Variants in CBFB observed in about 807,000 individuals in gnomAD.
CBFB encodes core-binding factor subunit beta, also known as CBF-beta.
Under a neutral mutation model 30.4 loss-of-function variants are expected in CBFB, and 9 were observed. That is an observed-to-expected ratio of 0.30 (90% CI 0.18 to 0.52). The LOEUF (loss-of-function observed/expected upper bound fraction) is 0.52, where lower values mean the gene tolerates loss of function less well. Among genes scored for constraint, CBFB ranks in the 20% least tolerant of loss-of-function variants. The pLI, the probability that CBFB is intolerant of heterozygous loss-of-function variation, is 0.97. For missense variants in CBFB, 170 were observed against 244.0 expected, an observed-to-expected ratio of 0.70 and a Z score of 2.02; for synonymous variants, 94 against 84.0, an observed-to-expected ratio of 1.12 and a Z score of -0.65.
At chr16:67,049,783 A>C (rs1014837365) in intron 3 of CBFB, among the ~76,000 whole-genome samples, 1 of 152,152 alleles carries the variant, frequency 6.6e-6, no homozygotes, top group East Asian at 1.9e-4. Context: ...TGAGAACTGC[A>C]AAGCAGTTTT....
chr16:67,036,374 C>T (rs1338307153), intron 2 of CBFB: 5 of 371,608 alleles, frequency 1.3e-5, no homozygotes, highest in East Asian at 1.3e-4. Flanking sequence ...GAGATCCTAA[C>T]GTCAGCAAAA....
rs537440854 is a variant in CBFB, at chr16:67,063,671, G to A, written c.283-3011G>A. Among the ~76,000 whole-genome samples, 6 of 152,250 alleles carry A rather than the reference G, an allele frequency of 3.9e-5. No individual in the cohort carries two copies. In the East Asian group the frequency reaches 1.2e-3, roughly 29 times the overall value. On this transcript the variant is annotated intron_variant, in intron 3 of 5. Coordinates refer to ENST00000412916, the MANE Select transcript of CBFB (RefSeq NM_022845.3). ...TTGTCCCAGCTGATCTTGAACTCAT[G>A]ACCTCCTGCCTTGGCCTCCTAAGGG...
At chr16:67,093,046 C>T (rs1301507588) in intron 5 of CBFB, among the ~76,000 whole-genome samples, 1 of 152,064 alleles carries the variant, frequency 6.6e-6, no homozygotes, top group Non-Finnish European at 1.5e-5. Context: ...ATCCTGGGCT[C>T]AAGCAGTTCT....
intron 3 of CBFB, among the ~76,000 whole-genome samples, chr16:67,046,191 C>T (rs984304639): frequency 2.0e-5 from 3 of 152,076 alleles, no homozygotes; most frequent in African/African-American, 7.2e-5. Flanking sequence ...ACTGCAACCT[C>T]TGCCTCCTGG....
chr16:67,066,926 A>T (rs1339780717), intron 4 of CBFB, 128 bp downstream of exon 4: 1 of 509,270 alleles, frequency 2.0e-6, no homozygotes, highest in Non-Finnish European at 3.6e-6. Flanking sequence ...AATATTGAGG[A>T]ATCCTGAAAA....
chr16:67,032,202 A>G (rs768678747), intron 2 of CBFB, among the ~76,000 whole-genome samples: 5 of 152,170 alleles, frequency 3.3e-5, no homozygotes, highest in Admixed American at 6.5e-5. Context: ...TGAATTAGAC[A>G]TTCTAGACCT....
intron 5 of CBFB, among the ~76,000 whole-genome samples, chr16:67,084,492 C>T (rs776351711): frequency 6.6e-6 from 1 of 151,902 alleles, no homozygotes; most frequent in Non-Finnish European, 1.5e-5. Flanking sequence ...TAGTGGTTGC[C>T]GGGGAAATGG....
intron 4 of CBFB, among the ~76,000 whole-genome samples, chr16:67,072,887 A>G (rs925029185): frequency 1.3e-5 from 2 of 149,984 alleles, no homozygotes; most frequent in Admixed American, 6.7e-5. Flanking sequence ...AATTTTTTTT[A>G]TCTTTTGTAG....
chr16:67,038,897 C>G (rs943057240), intron 3 of CBFB, among the ~76,000 whole-genome samples: 15 of 152,248 alleles, frequency 9.9e-5, no homozygotes, highest in African/African-American at 2.6e-4. Flanking sequence ...GGGTTGTTAA[C>G]TCTACCAGAA....
intron 5 of CBFB, among the ~76,000 whole-genome samples, chr16:67,092,991 G>T (rs1961940403): frequency 6.6e-6 from 1 of 152,106 alleles, no homozygotes; most frequent in African/African-American, 2.4e-5. Context: ...GGGATTACAG[G>T]CATGAGCCAA....
chr16:67,091,229 T>C (rs1770951937), intron 5 of CBFB, among the ~76,000 whole-genome samples: 2 of 152,236 alleles, frequency 1.3e-5, no homozygotes, highest in South Asian at 4.1e-4. Context: ...CAATAGACTT[T>C]ATTAAGATTT....
chr16:67,079,049 C>T (rs776159778), intron 4 of CBFB, among the ~76,000 whole-genome samples: 5 of 152,148 alleles, frequency 3.3e-5, no homozygotes, highest in Non-Finnish European at 7.3e-5. Flanking sequence ...CATTCTTTTG[C>T]GGCTACCTCT....
intron 3 of CBFB, among the ~76,000 whole-genome samples, 180 bp from the exon 4 acceptor site, chr16:67,066,502 G>T (rs1961060869): frequency 6.6e-6 from 1 of 152,112 alleles, no homozygotes; most frequent in Admixed American, 6.6e-5. Flanking sequence ...AGAGGTTGCA[G>T]TGAGCTGAGA....
intron 5 of CBFB, among the ~76,000 whole-genome samples, chr16:67,089,903 T>C (rs1041239216): frequency 6.6e-6 from 1 of 152,354 alleles, no homozygotes; most frequent in Non-Finnish European, 1.5e-5. Flanking sequence ...GGAAGCCAGT[T>C]TCTTTACCCC....
chr16:67,029,692 T>C, intron 1 of CBFB, 35 bp from the exon 2 acceptor site: 1 of 1,539,760 alleles, frequency 6.5e-7, no homozygotes, highest in Non-Finnish European at 8.9e-7. Flanking sequence ...GCGCCGCGGA[T>C]TTGGCTCCTG....
chr16:67,073,146 A>G (rs1961281222), intron 4 of CBFB, among the ~76,000 whole-genome samples: 1 of 152,212 alleles, frequency 6.6e-6, no homozygotes, highest in South Asian at 2.1e-4. Context: ...AAAATACTCT[A>G]ACAAATGCTG....
intron 4 of CBFB, among the ~76,000 whole-genome samples, chr16:67,070,452 A>G (rs1961186958): frequency 6.6e-6 from 1 of 152,236 alleles, no homozygotes; most frequent in Non-Finnish European, 1.5e-5. Context: ...CTTTCAGAAA[A>G]ATAATAAATA....
intron 2 of CBFB, among the ~76,000 whole-genome samples, chr16:67,034,850 T>C (rs1227522234): frequency 6.6e-6 from 1 of 152,212 alleles, no homozygotes; most frequent in Non-Finnish European, 1.5e-5. Context: ...CTGAAAAAGT[T>C]GGCTTTCTTG....
chr16:67,091,640 A>T (rs1209763951), intron 5 of CBFB, among the ~76,000 whole-genome samples: 3 of 152,136 alleles, frequency 2.0e-5, no homozygotes, highest in African/African-American at 7.2e-5. Flanking sequence ...TAAGAACTAT[A>T]TTTTTTGACA....
Sources: allele counts gnomAD v4.1 joint callset (sites outside exome capture counted in the v4.1 genomes callset), GRCh38; gene constraint gnomAD v4.1.1; transcripts MANE v1.5; gene names NCBI Gene and HGNC (gene_info 2026-07-23, HGNC 2026-07-21).